Variants in STIM1 observed in about 807,000 individuals in gnomAD.
STIM1 encodes stromal interaction molecule 1.
Under a neutral mutation model 74.7 loss-of-function variants are expected in STIM1, and 25 were observed. The ratio of observed to expected loss-of-function variants is 0.33; its 90% CI spans 0.24 to 0.47. The LOEUF (loss-of-function observed/expected upper bound fraction) is 0.47, where lower values mean the gene tolerates loss of function less well. STIM1 is among the 20% of genes least tolerant of loss of function. STIM1 has a pLI of 1.00. For synonymous variants in STIM1, 328 were observed against 348.8 expected (o/e 0.94, Z 0.66); for missense variants, 728 against 920.8 (o/e 0.79, Z 2.71).
intron 1 of STIM1, among the ~76,000 whole-genome samples, chr11:3,927,485 G>C (rs1233350766): frequency 6.6e-6 from 1 of 152,198 alleles, no homozygotes; most frequent in Non-Finnish European, 1.5e-5. Context: ...CTGTGTTTAA[G>C]GAATTTCTTT....
chr11:3,920,873 A>G (rs765353821), intron 1 of STIM1, among the ~76,000 whole-genome samples: 24 of 149,672 alleles, frequency 1.6e-4, no homozygotes, highest in Non-Finnish European at 1.0e-4. Context: ...TTGGCTCACT[A>G]CAGCCTCCAC....
intron 1 of STIM1, chr11:3,947,575 C>G (rs1169799287): frequency 6.6e-6 from 1 of 152,164 alleles, no homozygotes; most frequent in Non-Finnish European, 1.5e-5. Context: ...ACACAGCAGG[C>G]TACCTTTGCA....
intron 1 of STIM1, among the ~76,000 whole-genome samples, chr11:3,861,976 T>C (rs2090630197): frequency 6.6e-6 from 1 of 152,116 alleles, no homozygotes; most frequent in Non-Finnish European, 1.5e-5. Context: ...CATGCTGTGG[T>C]ACATTTCCCT....
chr11:3,990,056 AT>A (rs2093595655), intron 2 of STIM1, among the ~76,000 whole-genome samples: 1 of 152,170 alleles, frequency 6.6e-6, no homozygotes, highest in African/African-American at 2.4e-5. Flanking sequence ...CTCTCTCCAC[AT>A]TTCCCCCAGC....
intron 2 of STIM1, among the ~76,000 whole-genome samples, chr11:3,977,459 C>T (rs2093459445): frequency 6.6e-6 from 1 of 152,220 alleles, no homozygotes. Context: ...TCCATTCTGC[C>T]TCTTCCAGCT....
intron 5 of STIM1, among the ~76,000 whole-genome samples, chr11:4,059,989 G>T (rs1322512145): frequency 6.6e-6 from 1 of 152,160 alleles, no homozygotes; most frequent in African/African-American, 2.4e-5. Context: ...ATGACAGTGG[G>T]TTATTGTAGA....
chr11:3,965,895 T>A (rs562513058), intron 1 of STIM1, among the ~76,000 whole-genome samples: 3 of 152,250 alleles, frequency 2.0e-5, no homozygotes, highest in Non-Finnish European at 2.9e-5. Flanking sequence ...TAATCCCAGC[T>A]ACTCGGAAGG....
chr11:4,046,816 A>C (rs1405095200), intron 3 of STIM1, among the ~76,000 whole-genome samples: 1 of 151,946 alleles, frequency 6.6e-6, no homozygotes, highest in East Asian at 1.9e-4. Flanking sequence ...GGCCTGGCTA[A>C]TTTTTTTATT....
At chr11:3,992,104 T>C (rs2093621632) in intron 2 of STIM1, among the ~76,000 whole-genome samples, 1 of 142,766 alleles carries the variant, frequency 7.0e-6, no homozygotes, top group Admixed American at 6.9e-5. Context: ...TTTTTTTTTT[T>C]TTTTTTTAGT....
chr11:3,955,595 T>C (rs532481219), intron 1 of STIM1, among the ~76,000 whole-genome samples: 14 of 152,272 alleles, frequency 9.2e-5, no homozygotes, highest in African/African-American at 3.4e-4. Context: ...AAATTGAATG[T>C]ATATAATGTA....
chr11:3,856,358 A>T lies in STIM1; in HGVS notation c.88A>T (p.Lys30Ter). Residue 30 changes from lysine to a stop codon, truncating the protein, a stop_gained, in exon 1 of 13, where the codon AAG (lysine) becomes TAG (stop). Transcript: ENST00000526596. LOFTEE classifies it high-confidence loss of function. ...GAGCCTCAGCCATAGTCACAGTGAGAAGGCGACAGGAACCAGCTCGGGGGC... is the reference window on the plus strand; with the variant it reads ...GAGCCTCAGCCATAGTCACAGTGAGTAGGCGACAGGAACCAGCTCGGGGGC... The part of the protein sequence containing the change: ...GQSLSHSHSE[K>*]ATGTSSGANS... 1 of 1,614,190 alleles carries T rather than the reference A, an allele frequency of 6.2e-7. No individual in the cohort carries two copies. The highest frequency in any genetic ancestry group is 8.5e-7 in the Non-Finnish European group (1 of 1,180,030).
At chr11:4,000,515 A>T (rs1455102711) in intron 2 of STIM1, among the ~76,000 whole-genome samples, 4 of 152,116 alleles carry the variant, frequency 2.6e-5, no homozygotes, top group Non-Finnish European at 5.9e-5. Context: ...ACAGACCTGC[A>T]GCTGAGGGTC....
At chr11:3,862,433 C>A (rs2090651464) in intron 1 of STIM1, among the ~76,000 whole-genome samples, 1 of 152,154 alleles carries the variant, frequency 6.6e-6, no homozygotes, top group Non-Finnish European at 1.5e-5. Flanking sequence ...TTGTAGAATG[C>A]TCTGTAGAAT....
chr11:4,013,943 G>A (rs894346425), intron 2 of STIM1, among the ~76,000 whole-genome samples: 5 of 151,836 alleles, frequency 3.3e-5, no homozygotes, highest in African/African-American at 1.2e-4. Flanking sequence ...TCCTGACCTC[G>A]TGATCCGCCC....
intron 2 of STIM1, among the ~76,000 whole-genome samples, chr11:3,977,006 G>C (rs953023620): frequency 1.3e-5 from 2 of 152,050 alleles, no homozygotes; most frequent in Non-Finnish European, 2.9e-5. Context: ...TGTTGGTCAT[G>C]CTGGTCTTGA....
intron 2 of STIM1, among the ~76,000 whole-genome samples, chr11:3,994,109 C>T (rs1565140573): frequency 6.6e-6 from 1 of 152,178 alleles, no homozygotes; most frequent in Non-Finnish European, 1.5e-5. Context: ...TCTTTATTTT[C>T]ACAAGAGTTT....
chr11:4,029,446 C>T (rs181253194), intron 3 of STIM1, among the ~76,000 whole-genome samples: 18 of 152,030 alleles, frequency 1.2e-4, no homozygotes, highest in South Asian at 2.1e-4. Context: ...CATGTCTGCA[C>T]GGGCTTTCTC....
At chr11:3,940,407 G>C (rs2092990276) in intron 1 of STIM1, among the ~76,000 whole-genome samples, 1 of 152,188 alleles carries the variant, frequency 6.6e-6, no homozygotes, top group Admixed American at 6.5e-5. Context: ...ATCATAAGGG[G>C]CTGAGAAGGT....
chr11:3,976,527 A>G (rs1346948158), intron 2 of STIM1, among the ~76,000 whole-genome samples: 1 of 152,230 alleles, frequency 6.6e-6, no homozygotes, highest in Non-Finnish European at 1.5e-5. Flanking sequence ...TGCGCCAAAA[A>G]GTTAAATTTC....
Sources: allele counts gnomAD v4.1 joint callset (sites outside exome capture counted in the v4.1 genomes callset), GRCh38; gene constraint gnomAD v4.1.1; transcripts MANE v1.5; gene names NCBI Gene and HGNC (gene_info 2026-07-23, HGNC 2026-07-21).